The following KIAA1958 variants were observed in gnomAD, a reference collection of about 807,000 sequenced individuals.
KIAA1958 encodes KIAA1958, also known as uncharacterized protein KIAA1958.
KIAA1958 carries 14 observed loss-of-function variants against 47.2 expected under a neutral mutation model. The observed-to-expected ratio is 0.30, with a 90% CI of 0.20 to 0.46. The LOEUF (loss-of-function observed/expected upper bound fraction) is 0.46. KIAA1958 is among the 20% of genes least tolerant of loss of function. KIAA1958 has a pLI of 1.00. For missense variants in KIAA1958, 803 were observed against 909.2 expected, an observed-to-expected ratio of 0.88 and a Z score of 1.50; for synonymous variants, 354 against 353.3, an observed-to-expected ratio of 1.00 and a Z score of -0.02.
chr9:112,501,649 A>G (rs1662552158), intron 1 of KIAA1958, among the ~76,000 whole-genome samples: 2 of 152,144 alleles, frequency 1.3e-5, no homozygotes, highest in Admixed American at 1.3e-4. Flanking sequence ...TCGGGCAGAG[A>G]AAACTGTGGC....
intron 2 of KIAA1958, among the ~76,000 whole-genome samples, chr9:112,637,889 C>T (rs113365502): frequency 0.063 from 9,543 of 152,094 alleles, 338 homozygotes; most frequent in South Asian, 0.11. Flanking sequence ...TGGCTCACAC[C>T]TGTAATCCCA....
At chr9:112,605,443 T>G (rs1836214665) in intron 2 of KIAA1958, among the ~76,000 whole-genome samples, 1 of 152,190 alleles carries the variant, frequency 6.6e-6, no homozygotes, top group African/African-American at 2.4e-5. Context: ...TGAGAATATT[T>G]CATACCAGGT....
At chr9:112,526,702 C>T (rs1209843931) in intron 1 of KIAA1958, among the ~76,000 whole-genome samples, 1 of 152,162 alleles carries the variant, frequency 6.6e-6, no homozygotes, top group Non-Finnish European at 1.5e-5. Context: ...TGGGGATAAA[C>T]ATGATTTTTA....
Position 112,618,920 on chromosome 9 carries a change from G to A in KIAA1958, c.1172-26730G>A, listed in dbSNP as rs1174807768. Reference sequence around the variant, plus strand: ...CTCTTCCTCAGACACCGCTTGACCAGGTGGCTTGAGCAAGACTCCAGTTTG... The same window carrying A: ...CTCTTCCTCAGACACCGCTTGACCAAGTGGCTTGAGCAAGACTCCAGTTTG... On this transcript the variant is annotated intron_variant, in intron 2 of 3. Coordinates refer to ENST00000337530, the MANE Select transcript of KIAA1958 (RefSeq NM_133465.4). The surrounding 1 kb of genome is among the most constrained non-coding windows in gnomAD (Gnocchi z 7.1). The A allele has an allele frequency of 2.0e-6, 3 of 1,519,144 alleles. No homozygotes were observed. The highest frequency in any genetic ancestry group is 2.7e-6 in the Non-Finnish European group (3 of 1,126,322). The allele number at this position is 1,519,144 out of a possible 1,614,324, so 94.1% of individuals were successfully genotyped here.
chr9:112,577,567 G>A (rs2131177595), intron 2 of KIAA1958, among the ~76,000 whole-genome samples: 1 of 148,666 alleles, frequency 6.7e-6, no homozygotes, highest in South Asian at 2.1e-4. Flanking sequence ...GTAGAATTCA[G>A]AAATGTATTT....
intron 2 of KIAA1958, among the ~76,000 whole-genome samples, chr9:112,625,257 T>A (rs918590150): frequency 1.3e-5 from 2 of 152,100 alleles, no homozygotes; most frequent in Non-Finnish European, 2.9e-5. Context: ...GCTCAAGCAA[T>A]CCTCCCAACT....
chr9:112,615,056 AC>A (rs1255666823), intron 2 of KIAA1958, among the ~76,000 whole-genome samples: 10 of 152,310 alleles, frequency 6.6e-5, no homozygotes, highest in Admixed American at 3.3e-4. Flanking sequence ...TTAAATTGAC[AC>A]CCAAAGGTTT....
chr9:112,544,970 G>C (rs907072825), intron 1 of KIAA1958, among the ~76,000 whole-genome samples: 2 of 151,142 alleles, frequency 1.3e-5, no homozygotes, highest in African/African-American at 4.9e-5. Context: ...TAAATGTATT[G>C]TTTCTGAAAT....
At chr9:112,492,555 A>C (rs1022878618) in intron 1 of KIAA1958, among the ~76,000 whole-genome samples, 1 of 152,158 alleles carries the variant, frequency 6.6e-6, no homozygotes, top group South Asian at 2.1e-4. Flanking sequence ...CTACCTACAT[A>C]TGTACATACA....
chr9:112,494,597 A>G (rs1429582725), intron 1 of KIAA1958, among the ~76,000 whole-genome samples: 1 of 151,630 alleles, frequency 6.6e-6, no homozygotes, highest in East Asian at 1.9e-4. Context: ...AGCCCCAAGT[A>G]GCTGGGACTA....
At chr9:112,596,536 A>G (rs1836035849) in intron 2 of KIAA1958, among the ~76,000 whole-genome samples, 1 of 152,198 alleles carries the variant, frequency 6.6e-6, no homozygotes. Context: ...ATGCTAATCC[A>G]TATAGGAAAA....
At position 112,618,854 on chromosome 9, in the gene KIAA1958, C is replaced by A; in HGVS notation, c.1172-26796C>A. On this transcript the variant is annotated intron_variant, in intron 2 of 3. Coordinates refer to ENST00000337530, the MANE Select transcript of KIAA1958 (RefSeq NM_133465.4). This position sits in a 1 kb window ranked among gnomAD's most constrained non-coding sequence, Gnocchi z 7.1. ...GCAGGCTGCCCAGTCAGTGGCCGGC[C>A]ACTCCAACAATGGCAATTTCATCGT... is the stretch of plus-strand genomic sequence containing the variant. 6.5e-7 allele frequency: 1 copy of A among 1,550,112 alleles called. No individual in the cohort carries two copies. The highest frequency in any genetic ancestry group is 8.7e-7 in the Non-Finnish European group (1 of 1,146,550).
intron 1 of KIAA1958, among the ~76,000 whole-genome samples, chr9:112,557,342 A>G (rs1279892056): frequency 6.6e-6 from 1 of 152,154 alleles, no homozygotes; most frequent in Non-Finnish European, 1.5e-5. Flanking sequence ...CTACCCTCCT[A>G]TAGCCTGCAT....
At chr9:112,593,650 C>T (rs1835964767) in intron 2 of KIAA1958, among the ~76,000 whole-genome samples, 2 of 151,922 alleles carry the variant, frequency 1.3e-5, no homozygotes, top group South Asian at 4.2e-4. Context: ...TGGCTTCAAG[C>T]AGTCCTCCCA....
intron 2 of KIAA1958, among the ~76,000 whole-genome samples, chr9:112,637,598 G>A (rs765548396): frequency 1.2e-4 from 18 of 151,874 alleles, no homozygotes; most frequent in South Asian, 2.1e-4. Flanking sequence ...GGCTGGTCTC[G>A]AACTCCAAAC....
chr9:112,626,971 A>C (rs909571096), intron 2 of KIAA1958, among the ~76,000 whole-genome samples: 1 of 152,192 alleles, frequency 6.6e-6, no homozygotes, highest in Admixed American at 6.5e-5. Flanking sequence ...CACTGCTGCT[A>C]TCACTTATTG....
intron 2 of KIAA1958, among the ~76,000 whole-genome samples, chr9:112,609,464 A>G (rs911654435): frequency 6.6e-6 from 1 of 152,246 alleles, no homozygotes; most frequent in Non-Finnish European, 1.5e-5. Context: ...AGGTGAAGTT[A>G]TGTGACTAGA....
chr9:112,638,748 A>G (rs1259683061), intron 2 of KIAA1958, among the ~76,000 whole-genome samples: 2 of 152,000 alleles, frequency 1.3e-5, no homozygotes, highest in African/African-American at 4.8e-5. Flanking sequence ...ACATTTCACT[A>G]TGTCCCATGT....
intron 1 of KIAA1958, among the ~76,000 whole-genome samples, chr9:112,525,917 C>CT: frequency 9.0e-6 from 1 of 110,880 alleles, no homozygotes; most frequent in African/African-American, 3.4e-5. Flanking sequence ...CATTTATATT[C>CT]TTTCTTCTTC....
Sources: gnomAD v4.1 joint callset for allele counts (sites outside exome capture counted in the v4.1 genomes callset) on GRCh38, gnomAD v4.1.1 for gene constraint, Gnocchi (gnomAD v3.1) non-coding constraint, MANE v1.5 for transcripts, NCBI Gene and HGNC (gene_info 2026-07-23, HGNC 2026-07-21) for gene names.